Variants in LIN37 observed in about 807,000 individuals in gnomAD.
The protein encoded by LIN37 is protein lin-37 homolog.
In LIN37, 21 loss-of-function variants were observed where a neutral mutation model predicts 38.0. The observed-to-expected ratio is 0.55, with a 90% confidence interval of 0.39 to 0.80. The LOEUF (loss-of-function observed/expected upper bound fraction) is 0.80, where lower values mean the gene tolerates loss of function less well. LIN37 is among the 30% of genes least tolerant of loss of function. The pLI, the probability that LIN37 is intolerant of heterozygous loss-of-function variation, is 0.00. For synonymous variants in LIN37, 126 were observed against 122.9 expected (o/e 1.03, Z -0.17); for missense variants, 273 against 338.5 (o/e 0.81, Z 1.52).
At chr19:35,750,195 T>C (rs1294544561) in intron 1 of LIN37, among the ~76,000 whole-genome samples, 2 of 151,484 alleles carry the variant, frequency 1.3e-5, no homozygotes, top group East Asian at 3.9e-4. Flanking sequence ...CATGGTGAGG[T>C]ACAGGGAGGG....
In LIN37 at chr19:35,752,897, T is replaced by TC; in HGVS notation, c.192-14dup. ...CCAGCTCCTACCCCAGTCCTGACACTCCCTCTCCCTACGCAGGCCATCTGC... is the reference window on the plus strand; with the variant it reads ...CCAGCTCCTACCCCAGTCCTGACACTCCCCTCTCCCTACGCAGGCCATCTGC... On this transcript the variant is annotated splice_polypyrimidine_tract_variant and intron_variant, in intron 4 of 8. Transcript: ENST00000301159. 1 of 1,584,864 alleles carries TC rather than the reference T, an allele frequency of 6.3e-7. No homozygotes were observed. The highest frequency in any genetic ancestry group is 8.6e-7 in the Non-Finnish European group (1 of 1,165,706).
chr19:35,750,255 C>G (rs1044649229), intron 1 of LIN37, among the ~76,000 whole-genome samples: 1 of 152,004 alleles, frequency 6.6e-6, no homozygotes, highest in Non-Finnish European at 1.5e-5. Context: ...AGGCCCAAGT[C>G]GGGGGTTCAG....
chr19:35,753,547 G>A (rs1970710443), intron 6 of LIN37: 1 of 549,592 alleles, frequency 1.8e-6, no homozygotes, highest in Admixed American at 3.0e-5. Flanking sequence ...CTAGACAAGG[G>A]TCCTTAGTAC....
chr19:35,751,952 T>C (rs1970684760), intron 1 of LIN37: 2 of 449,888 alleles, frequency 4.4e-6, no homozygotes, highest in Non-Finnish European at 8.0e-6. Flanking sequence ...GTAAGGTGAT[T>C]GGCCTTACCT....
chr19:35,752,686 C>T (rs974589209), intron 3 of LIN37, 118 bp from the exon 4 acceptor site: 22 of 1,421,634 alleles, frequency 1.5e-5, no homozygotes, highest in Non-Finnish European at 2.1e-5. Flanking sequence ...GGACAAAAGG[C>T]CCAAGAGGCA....
At chr19:35,753,994 G>A (rs758872620) in intron 6 of LIN37, 23 bp from the exon 7 acceptor site, 16 of 1,608,138 alleles carry the variant, frequency 9.9e-6, no homozygotes, top group Non-Finnish European at 1.4e-5. Context: ...CTTGGGCCTG[G>A]CATGGGGCCC....
intron 6 of LIN37, chr19:35,753,530 C>T (rs1013368373): frequency 3.2e-5 from 18 of 566,224 alleles, no homozygotes; most frequent in East Asian, 9.2e-5. Flanking sequence ...TCCCAAGAGC[C>T]GAGGGGCTAG....
chr19:35,752,272 A>G (rs1340137882), intron 2 of LIN37, 21 bp downstream of exon 2: 4 of 1,598,150 alleles, frequency 2.5e-6, no homozygotes, highest in Non-Finnish European at 3.4e-6. Flanking sequence ...GTGGGGTCAC[A>G]GGGCCGGGCA....
rs569205978 is a variant in LIN37 at position 35,753,224 on chromosome 19, C to A, written c.415C>A (p.Pro139Thr). 14 of 1,555,652 alleles carry A rather than the reference C, an allele frequency of 9.0e-6. No individual in the cohort carries two copies. The highest frequency in any genetic ancestry group is 4.1e-5 in the African/African-American group (3 of 73,364). Residue 139 changes from proline to threonine, a missense_variant, in exon 6 of 9, where the codon CCC (proline) becomes ACC (threonine). Pro to Thr is a conservative substitution (Grantham distance 38). Transcript: ENST00000301159. ...VRERECSPSS[P>T]LPPLPEDEEG... ...CGAGCGTGAATGCTCTCCCAGCTCA[C>A]CCCTGCCCCCGCTGCCTGAGGATGA...
Position 35,753,187 on chromosome 19 carries a change from C to T in LIN37, c.378C>T (p.Ser126=). Residue 126 remains serine (S), a synonymous_variant, in exon 6 of 9, where the codon AGC becomes AGT. Transcript: ENST00000301159. ...TCTGCCGCGCCTGGATGCGCAACAG[C>T]CCCTCTGTGCGCGAGCGTGAATGCT... ...YPICRAWMRN[S]PSVRERECSP... The T allele has an allele frequency of 6.3e-7, 1 of 1,577,098 alleles. No homozygotes were observed. Among genetic ancestry groups the T allele is most frequent in the Non-Finnish European group, 8.6e-7 (1 of 1,161,952 alleles).
chr19:35,753,620 A>C, intron 6 of LIN37: 1 of 491,066 alleles, frequency 2.0e-6, no homozygotes, highest in East Asian at 3.8e-5. Flanking sequence ...GGGAGTCTAT[A>C]AGCCATCTGA....
intron 1 of LIN37, among the ~76,000 whole-genome samples, chr19:35,749,521 C>T (rs931075741): frequency 2.6e-5 from 4 of 151,604 alleles, no homozygotes; most frequent in African/African-American, 2.4e-5. Flanking sequence ...AGGCTGGGTG[C>T]GGTGGCTCAC....
At position 35,748,622 on chromosome 19, in the gene LIN37, G is replaced by A; in HGVS notation, c.-103G>A. 4 of 1,521,542 alleles carry A rather than the reference G, an allele frequency of 2.6e-6. No individual in the cohort carries two copies. The South Asian group carries it at 3.4e-5, about 13-fold the overall frequency. 94.3% of individuals were successfully genotyped at this position (1,521,542 alleles called of 1,614,324 possible). ...CAAAGGCGGAGGACCCGTGGCCCAC[G>A]AAGCTCATCTTTGAACTGTCCCCGC... On this transcript the variant is annotated 5_prime_UTR_variant, in exon 1 of 9. Transcript: ENST00000301159.
chr19:35,750,617 T>G (rs980083395), intron 1 of LIN37, among the ~76,000 whole-genome samples: 2 of 152,076 alleles, frequency 1.3e-5, no homozygotes, highest in African/African-American at 2.4e-5. Context: ...TGGGCCTAGA[T>G]CTCATTTCCC....
In LIN37 at chr19:35,752,140, G is replaced by A. The variant is rs1295103649; in HGVS notation, c.35-36G>A. The stretch of plus-strand genomic sequence containing the variant: ...TCAGCTGCCCACCTAGCTGGGGCCT[G>A]GGAGCTGACTCCTGCTGGGTCCTCT... On this transcript the variant is annotated intron_variant, in intron 1 of 8. Coordinates refer to ENST00000301159, the MANE Select transcript of LIN37 (RefSeq NM_019104.3). The A allele has an allele frequency of 2.0e-6, 3 of 1,531,278 alleles. 1 individual carries two copies. The South Asian group carries it at 3.6e-5, about 18-fold the overall frequency. 94.9% of individuals were successfully genotyped at this position (1,531,278 alleles called of 1,614,324 possible).
At position 35,753,033 on chromosome 19, in the gene LIN37, G is replaced by A. The variant is rs765824333; in HGVS notation, c.277+34G>A. ...ACAGTGGCCCTAGAGGGTCGGTAAG[G>A]AGCCAAGGGCCTATGCAAGGATGCT... is the stretch of plus-strand genomic sequence containing the variant. On this transcript the variant is annotated intron_variant, in intron 5 of 8. Coordinates refer to ENST00000301159, the MANE Select transcript of LIN37 (RefSeq NM_019104.3). 3 of 1,577,622 alleles carry A rather than the reference G, an allele frequency of 1.9e-6. No homozygotes were observed. In the South Asian group the frequency reaches 3.5e-5, roughly 18 times the overall value.
chr19:35,753,959 T>C (rs1333946619), intron 6 of LIN37, 58 bp from the exon 7 acceptor site: 5 of 1,579,312 alleles, frequency 3.2e-6, no homozygotes, highest in Non-Finnish European at 4.3e-6. Context: ...TGAATGTGGA[T>C]TCCCAGCCCC....
chr19:35,753,847 G>T, intron 6 of LIN37, 170 bp from the exon 7 acceptor site: 1 of 696,102 alleles, frequency 1.4e-6, no homozygotes, highest in Non-Finnish European at 2.4e-6. Context: ...AGGCACACTT[G>T]ACCCGCTGGC....
chr19:35,751,385 C>G (rs1222241695), intron 1 of LIN37, among the ~76,000 whole-genome samples: 1 of 152,226 alleles, frequency 6.6e-6, no homozygotes, highest in Non-Finnish European at 1.5e-5. Flanking sequence ...AGATTCTGCA[C>G]TCAGGTTGAG....
Sources: gnomAD v4.1 joint callset for allele counts (sites outside exome capture counted in the v4.1 genomes callset) on GRCh38, gnomAD v4.1.1 for gene constraint, MANE v1.5 for transcripts, NCBI Gene and HGNC (gene_info 2026-07-23, HGNC 2026-07-21) for gene names.